DAB1: variants seen among roughly 807,000 people sequenced by gnomAD.
DAB1 encodes the protein disabled homolog 1.
A neutral mutation model predicts 64.6 loss-of-function variants in DAB1; 15 were observed. The ratio of observed to expected loss-of-function variants is 0.23; its 90% CI spans 0.16 to 0.36. The LOEUF (loss-of-function observed/expected upper bound fraction) is 0.36, where lower values mean the gene tolerates loss of function less well. Ranked by LOEUF, DAB1 falls within the 10% of genes least tolerant of loss-of-function variation. The pLI is 1.00. For synonymous variants in DAB1, 235 were observed against 251.9 expected, an observed-to-expected ratio of 0.93 and a Z score of 0.64; for missense variants, 596 against 706.7, an observed-to-expected ratio of 0.84 and a Z score of 1.78.
chr1:57,695,035 AATT>A (rs1646807321), intron 6 of DAB1, among the ~76,000 whole-genome samples: 1 of 151,934 alleles, frequency 6.6e-6, no homozygotes, highest in Non-Finnish European at 1.5e-5. Flanking sequence ...TTAATATGTA[AATT>A]ATTATTGTTT....
At chr1:58,225,510 C>G (rs995879138) in intron 4 of DAB1, among the ~76,000 whole-genome samples, 1 of 151,820 alleles carries the variant, frequency 6.6e-6, no homozygotes, top group Non-Finnish European at 1.5e-5. Context: ...GACACATGCA[C>G]ACGTATGTTT....
At chr1:57,231,323 T>C (rs1229423955) in intron 2 of DAB1, among the ~76,000 whole-genome samples, 2 of 152,160 alleles carry the variant, frequency 1.3e-5, no homozygotes, top group Non-Finnish European at 2.9e-5. Flanking sequence ...AGTTAATACA[T>C]TTATATTTCT....
At chr1:58,199,180 G>C (rs1295580625) in intron 4 of DAB1, among the ~76,000 whole-genome samples, 1 of 152,140 alleles carries the variant, frequency 6.6e-6, no homozygotes, top group Non-Finnish European at 1.5e-5. Flanking sequence ...GCTATGGAAA[G>C]AGGCAGCCTC....
At chr1:58,140,938 G>A (rs116415477) in intron 5 of DAB1, among the ~76,000 whole-genome samples, 8,067 of 152,220 alleles carry the variant, frequency 0.053, 264 homozygotes, top group Admixed American at 0.079. Context: ...GTACTAGTCC[G>A]TTACTATAAA....
intron 7 of DAB1, among the ~76,000 whole-genome samples, chr1:57,629,411 T>C (rs1463635164): frequency 3.9e-5 from 6 of 152,112 alleles, no homozygotes; most frequent in Non-Finnish European, 7.4e-5. Flanking sequence ...CTGAGTGCTC[T>C]AGGGCCCTAT....
chr1:57,992,623 A>G (rs1646362542), intron 5 of DAB1, among the ~76,000 whole-genome samples: 1 of 152,120 alleles, frequency 6.6e-6, no homozygotes, highest in Non-Finnish European at 1.5e-5. Flanking sequence ...CAGAGTGAGG[A>G]CAGATTCTTT....
intron 1 of DAB1, among the ~76,000 whole-genome samples, chr1:57,327,975 C>T (rs187407726): frequency 1.3e-5 from 2 of 152,152 alleles, no homozygotes; most frequent in East Asian, 1.9e-4. Context: ...CTCTAAGAAC[C>T]CCAGAAAGTC....
chr1:58,253,612 C>T (rs1309696581), intron 4 of DAB1, among the ~76,000 whole-genome samples: 5 of 152,204 alleles, frequency 3.3e-5, no homozygotes, highest in Non-Finnish European at 7.3e-5. Context: ...ACGTTATTTC[C>T]TGTGATATTC....
chr1:58,306,570 C>A lies in DAB1; in HGVS notation n.309+36782G>T, dbSNP rs7527595. On this transcript the variant is annotated intron_variant and non_coding_transcript_variant, in intron 4 of 20. Transcript: ENST00000485760. Reference sequence around the variant, plus strand: ...TCTTTGCATCTCACCATTCCTCTGCCGCAGGGTTTCTCCAGCACCTAGTGG... The same window carrying A: ...TCTTTGCATCTCACCATTCCTCTGCAGCAGGGTTTCTCCAGCACCTAGTGG... 8.5e-5 allele frequency among the ~76,000 whole-genome samples: 13 copies of A among 152,064 alleles called. No individual in the cohort carries two copies. In the South Asian group the frequency reaches 2.3e-3, roughly 27 times the overall value.
At chr1:58,223,413 G>C (rs1381755663) in intron 4 of DAB1, among the ~76,000 whole-genome samples, 1 of 152,182 alleles carries the variant, frequency 6.6e-6, no homozygotes, top group Non-Finnish European at 1.5e-5. Context: ...ACAGTGCCTA[G>C]GTGAGACAAG....
At chr1:57,992,954 T>C (rs577219637) in intron 5 of DAB1, among the ~76,000 whole-genome samples, 1 of 152,284 alleles carries the variant, frequency 6.6e-6, no homozygotes, top group African/African-American at 2.4e-5. Context: ...ACATGGGTTA[T>C]CTTCCTTCAT....
rs140893566 is a variant in DAB1 at position 57,879,584 on chromosome 1, C to A, written n.87+4415G>T. On this transcript the variant is annotated intron_variant and non_coding_transcript_variant, in intron 1 of 1. Transcript: ENST00000477280. ...ATTAATCTGTGGTTGGCCAGCATGC[C>A]CTTTCACAGAGGCCTGTGGGGATCT... is the stretch of plus-strand genomic sequence containing the variant. Among the ~76,000 whole-genome samples the A allele has an allele frequency of 5.5e-3, 831 of 152,222 alleles. 6 individuals carry two copies. The highest frequency in any genetic ancestry group is 9.5e-3 in the Non-Finnish European group (644 of 68,024).
At chr1:58,531,716 CTT>C (rs11303484) in intron 1 of DAB1, among the ~76,000 whole-genome samples, 35 of 147,356 alleles carry the variant, frequency 2.4e-4, no homozygotes, top group Middle Eastern at 7.1e-3. Context: ...ATGGATTTAT[CTT>C]TTTTTTTTTG....
At chr1:58,448,675 C>T (rs1214291899) in intron 3 of DAB1, among the ~76,000 whole-genome samples, 2 of 152,152 alleles carry the variant, frequency 1.3e-5, no homozygotes, top group Admixed American at 6.5e-5. Context: ...AATTTAGGGA[C>T]AGGGGACACA....
intron 11 of DAB1, among the ~76,000 whole-genome samples, chr1:57,017,290 G>T (rs1311752661): frequency 6.6e-6 from 1 of 152,102 alleles, no homozygotes; most frequent in East Asian, 1.9e-4. Flanking sequence ...CCTTTCCATG[G>T]CTGTCAGTAG....
At chr1:58,209,314 C>A (rs1047443230) in intron 4 of DAB1, among the ~76,000 whole-genome samples, 7 of 152,164 alleles carry the variant, frequency 4.6e-5, no homozygotes, top group Admixed American at 1.3e-4. Context: ...ACAAATTAAT[C>A]GTCTTTGTTG....
chr1:58,144,527 T>C (rs931236101), intron 5 of DAB1, among the ~76,000 whole-genome samples: 5 of 152,226 alleles, frequency 3.3e-5, no homozygotes, highest in African/African-American at 1.2e-4. Context: ...GCACCTTACA[T>C]GGATTATGTA....
intron 9 of DAB1, among the ~76,000 whole-genome samples, chr1:57,034,346 C>T (rs1050170131): frequency 6.6e-6 from 1 of 151,376 alleles, no homozygotes; most frequent in Non-Finnish European, 1.5e-5. Context: ...TTCTTCAAAC[C>T]CATCCCAAAA....
chr1:57,584,933 C>G (rs912750561), intron 7 of DAB1, among the ~76,000 whole-genome samples: 5 of 146,914 alleles, frequency 3.4e-5, no homozygotes, highest in African/African-American at 1.2e-4. Flanking sequence ...GCAAATTCCT[C>G]TATATCGAAT....
Sources: gnomAD v4.1 joint callset for allele counts (sites outside exome capture counted in the v4.1 genomes callset) on GRCh38, gnomAD v4.1.1 for gene constraint, MANE v1.5 for transcripts, NCBI Gene and HGNC (gene_info 2026-07-23, HGNC 2026-07-21) for gene names.